AIFM1: variants seen among roughly 807,000 people sequenced by gnomAD.
AIFM1 encodes the protein apoptosis-inducing factor 1, mitochondrial.
A neutral mutation model predicts 51.7 loss-of-function variants in AIFM1; 3 were observed. That is an observed-to-expected ratio of 0.06 (90% CI 0.03 to 0.15). AIFM1 has a LOEUF of 0.15. Ranked by LOEUF, AIFM1 falls within the 10% of genes least tolerant of loss-of-function variation. AIFM1 has a pLI of 1.00. For missense variants in AIFM1, 330 were observed against 476.8 expected (o/e 0.69, Z 2.87); for synonymous variants, 178 against 179.4 (o/e 0.99, Z 0.06).
intron 2 of AIFM1, among the ~76,000 whole-genome samples, chrX:130,155,782 C>A (rs774337459): frequency 1.8e-3 from 199 of 111,969 alleles, no homozygotes; most frequent in Admixed American, 3.0e-3. Context: ...GGCTTAGTCA[C>A]AGTAAACCCT....
chrX:130,133,202 C>T, intron 13 of AIFM1, 111 bp downstream of exon 13: 1 of 1,026,988 alleles, frequency 9.7e-7, no homozygotes, highest in East Asian at 3.0e-5. Context: ...ACTTTTTTCC[C>T]TTCTGTATGA....
intron 6 of AIFM1, 110 bp from the exon 7 acceptor site, chrX:130,140,727 G>T: frequency 1.7e-6 from 1 of 599,326 alleles, no homozygotes; most frequent in Non-Finnish European, 2.8e-6. Flanking sequence ...GTGGAATTCT[G>T]TGGATTTCAG....
intron 2 of AIFM1, among the ~76,000 whole-genome samples, chrX:130,149,902 G>A (rs1476959427): frequency 1.3e-4 from 14 of 111,834 alleles, no homozygotes; most frequent in African/African-American, 4.2e-4. Flanking sequence ...TGCTAGAAAG[G>A]GCTAATCTAT....
intron 6 of AIFM1, 75 bp downstream of exon 6, chrX:130,145,404 T>C: frequency 2.5e-6 from 2 of 794,254 alleles, no homozygotes; most frequent in Non-Finnish European, 3.9e-6. Flanking sequence ...TAAATGGTAA[T>C]GGAAACACAC....
chrX:130,132,574 T>A (rs1028175553), intron 13 of AIFM1, among the ~76,000 whole-genome samples: 17 of 112,347 alleles, frequency 1.5e-4, no homozygotes, highest in African/African-American at 5.5e-4. Flanking sequence ...AAAAACTTTT[T>A]ATTTAAAAAA....
In AIFM1 at chrX:130,165,560, G is replaced by T; in HGVS notation, c.97C>A (p.Arg33=). ...VCVRSPRQRN[R]LPGNLFQRWH... ...GGAATGGGTCAGTCACCTGGGAGCC[G>T]GTTCCTCTGCCTCGGGCTTCGGACG... Residue 33 remains arginine (R), a synonymous_variant, in exon 1 of 16, where the codon CGG becomes AGG. Coordinates refer to ENST00000287295, the MANE Select transcript of AIFM1 (RefSeq NM_004208.4). The T allele has an allele frequency of 8.4e-7, 1 of 1,193,357 alleles. No homozygotes were observed. The highest frequency in any genetic ancestry group is 1.8e-5 in the South Asian group (1 of 54,576).
intron 13 of AIFM1, among the ~76,000 whole-genome samples, chrX:130,132,339 C>T (rs1318517730): frequency 2.7e-5 from 3 of 112,239 alleles, no homozygotes; most frequent in African/African-American, 6.5e-5. Context: ...CATATCCATG[C>T]GGTGATTGAA....
At chrX:130,147,911 T>A in intron 3 of AIFM1, 35 bp from the exon 4 acceptor site, 1 of 1,209,722 alleles carries the variant, frequency 8.3e-7, no homozygotes, top group African/African-American at 1.7e-5. Flanking sequence ...TGAATCTTCT[T>A]GAAGTCTCAG....
At chrX:130,146,478 TGTG>T (rs1466820159) in intron 5 of AIFM1, among the ~76,000 whole-genome samples, 2 of 108,252 alleles carry the variant, frequency 1.8e-5, no homozygotes, top group African/African-American at 6.8e-5. Context: ...TGTGTGTGTG[TGTG>T]TGTGTGTGTG....
intron 12 of AIFM1, among the ~76,000 whole-genome samples, chrX:130,133,984 C>T (rs2030218235): frequency 9.0e-6 from 1 of 110,500 alleles, no homozygotes; most frequent in Admixed American, 9.7e-5. Flanking sequence ...GGCAAATGCC[C>T]GTAATCCCAG....
chrX:130,165,357 T>G (rs2031494500), intron 1 of AIFM1, among the ~76,000 whole-genome samples, 194 bp downstream of exon 1: 1 of 112,022 alleles, frequency 8.9e-6, no homozygotes, highest in South Asian at 3.7e-4. Context: ...TTCAAATCTC[T>G]TGAAGGTCAG....
At chrX:130,148,972 A>G (rs2030862076) in intron 3 of AIFM1, among the ~76,000 whole-genome samples, 1 of 81,222 alleles carries the variant, frequency 1.2e-5, no homozygotes, top group Admixed American at 1.6e-4. Context: ...CCCAAGCTGG[A>G]GTGCAGCAGC....
At chrX:130,161,512 A>AGGTTT (rs1214082372) in intron 1 of AIFM1, among the ~76,000 whole-genome samples, 1 of 65,504 alleles carries the variant, frequency 1.5e-5, no homozygotes, top group Non-Finnish European at 2.7e-5. Flanking sequence ...CTCTGTTTGA[A>AGGTTT]GAAAAAAAAA....
intron 6 of AIFM1, among the ~76,000 whole-genome samples, chrX:130,142,208 A>C (rs1391128848): frequency 8.9e-6 from 1 of 111,993 alleles, no homozygotes; most frequent in Non-Finnish European, 1.9e-5. Flanking sequence ...CAGTGCAGGT[A>C]GCGCTGGGAA....
chrX:130,145,641 A>T, intron 5 of AIFM1, 72 bp from the exon 6 acceptor site: 2 of 845,434 alleles, frequency 2.4e-6, no homozygotes, highest in Non-Finnish European at 1.7e-6. Flanking sequence ...AGCTTTAATA[A>T]AACTGTTTCC....
chrX:130,149,304 G>A (rs1312368722), intron 3 of AIFM1, among the ~76,000 whole-genome samples, 165 bp downstream of exon 3: 1 of 111,844 alleles, frequency 8.9e-6, no homozygotes, highest in East Asian at 2.8e-4. Flanking sequence ...TCAGCCAAAT[G>A]CTTTAAATCA....
intron 13 of AIFM1, 57 bp downstream of exon 13, chrX:130,133,255 AT>A: frequency 1.7e-6 from 2 of 1,194,349 alleles, no homozygotes; most frequent in African/African-American, 3.5e-5. Flanking sequence ...ACTCTGTGTT[AT>A]GGTCCTAGAG....
chrX:130,156,807 A>G, intron 1 of AIFM1, among the ~76,000 whole-genome samples: 1 of 112,247 alleles, frequency 8.9e-6, no homozygotes, highest in South Asian at 3.7e-4. Context: ...AGTTTTTAAG[A>G]GTAAAATTTA....
intron 14 of AIFM1, among the ~76,000 whole-genome samples, chrX:130,131,229 C>T (rs2030064225): frequency 8.9e-6 from 1 of 111,889 alleles, no homozygotes; most frequent in Non-Finnish European, 1.9e-5. Context: ...TTCCTCCCTG[C>T]GCAGGACCCA....
Sources: gnomAD v4.1 joint callset for allele counts (sites outside exome capture counted in the v4.1 genomes callset) on GRCh38, gnomAD v4.1.1 for gene constraint, MANE v1.5 for transcripts, NCBI Gene and HGNC (gene_info 2026-07-23, HGNC 2026-07-21) for gene names.